CLSTN2: variants seen among roughly 807,000 people sequenced by gnomAD.
The protein encoded by CLSTN2 is calsyntenin 2, also known as calsyntenin-2.
In CLSTN2, 48 loss-of-function variants were observed where a neutral mutation model predicts 101.2. The ratio of observed to expected loss-of-function variants is 0.47; its 90% CI spans 0.38 to 0.60. CLSTN2 has a LOEUF of 0.60. CLSTN2 is among the 20% of genes least tolerant of loss of function. CLSTN2 has a pLI of 0.00. For synonymous variants in CLSTN2, 481 were observed against 463.6 expected (o/e 1.04, Z -0.48); for missense variants, 1,160 against 1,238.2 (o/e 0.94, Z 0.95).
At chr3:140,287,019 A>G (rs917503214) in intron 2 of CLSTN2, among the ~76,000 whole-genome samples, 1 of 152,186 alleles carries the variant, frequency 6.6e-6, no homozygotes, top group Non-Finnish European at 1.5e-5. Context: ...AAGGGCTTTA[A>G]GAGCCCAGCT....
chr3:140,299,723 T>A (rs2087040698), intron 2 of CLSTN2, among the ~76,000 whole-genome samples: 1 of 152,204 alleles, frequency 6.6e-6, no homozygotes, highest in East Asian at 1.9e-4. Context: ...TTCAGAGACA[T>A]CTTAGCCTCC....
intron 5 of CLSTN2, among the ~76,000 whole-genome samples, chr3:140,440,907 C>T (rs938626816): frequency 2.6e-5 from 4 of 152,108 alleles, no homozygotes; most frequent in Admixed American, 6.5e-5. Flanking sequence ...ACAAGGGGCT[C>T]GTTGTTTAAA....
chr3:140,486,293 G>A (rs1304225384), intron 8 of CLSTN2, among the ~76,000 whole-genome samples: 1 of 151,978 alleles, frequency 6.6e-6, no homozygotes, highest in Non-Finnish European at 1.5e-5. Context: ...CATTGGAAAT[G>A]GTAATTATGT....
intron 8 of CLSTN2, among the ~76,000 whole-genome samples, chr3:140,480,735 A>T (rs917043333): frequency 6.6e-6 from 1 of 152,136 alleles, no homozygotes; most frequent in African/African-American, 2.4e-5. Flanking sequence ...TTGCCTGCAT[A>T]AATGTCTTCT....
intron 1 of CLSTN2, among the ~76,000 whole-genome samples, chr3:140,001,476 T>A (rs1008473417): frequency 1.3e-5 from 2 of 152,056 alleles, no homozygotes; most frequent in African/African-American, 4.8e-5. Context: ...TTCAACTTTT[T>A]AAAAAACTTT....
chr3:140,563,021 G>T, intron 14 of CLSTN2, 59 bp from the exon 15 acceptor site: 2 of 1,611,730 alleles, frequency 1.2e-6, no homozygotes, highest in South Asian at 1.1e-5. Flanking sequence ...ATTCAGAAAT[G>T]CTGTAACTGG....
Position 140,558,659 on chromosome 3 carries a change from T to C in CLSTN2, c.1843T>C (p.Cys615Arg), listed in dbSNP as rs776915256. 1 of 1,613,778 alleles carries C rather than the reference T, an allele frequency of 6.2e-7. No homozygotes were observed. The highest frequency in any genetic ancestry group is 2.2e-5 in the East Asian group (1 of 44,870). The change falls in exon 12 of 17, where the codon TGC becomes CGC. Residue 615 changes from cysteine (C) to arginine (R), a missense_variant. Physicochemically the swap from Cys to Arg is radical, Grantham distance 180 (BLOSUM62 -3). Transcript: ENST00000458420. The part of the protein sequence containing the change: ...SKVQCFGEDV[C>R]ISIPEVDAYV... ...TCCCAGGTGCTTTGGGGAAGACGTA[T>C]GCATCAGTATCCCTGAGGTAGATGC...
intron 1 of CLSTN2, among the ~76,000 whole-genome samples, chr3:139,943,438 T>C (rs934335594): frequency 3.9e-5 from 6 of 152,178 alleles, no homozygotes; most frequent in African/African-American, 1.4e-4. Flanking sequence ...ATGAATTCTA[T>C]CTTTCACCCT....
At chr3:140,312,485 C>T (rs2087179938) in intron 2 of CLSTN2, among the ~76,000 whole-genome samples, 1 of 152,224 alleles carries the variant, frequency 6.6e-6, no homozygotes, top group Non-Finnish European at 1.5e-5. Flanking sequence ...TGGTTATCAT[C>T]TTTCGTCTAC....
rs1235151472 is a variant in CLSTN2 at position 140,552,237 on chromosome 3, G to A, written c.1675-4276G>A. ...CTGTCTAGCACCTTCTTGGCTCAACGAAAGGCTATGGTCACAGCACAGATA... is the reference window on the plus strand; with the variant it reads ...CTGTCTAGCACCTTCTTGGCTCAACAAAAGGCTATGGTCACAGCACAGATA... On this transcript the variant is annotated intron_variant, in intron 10 of 16. Coordinates refer to ENST00000458420, the MANE Select transcript of CLSTN2 (RefSeq NM_022131.3). Among the ~76,000 whole-genome samples, 9 of 152,014 alleles carry A rather than the reference G, an allele frequency of 5.9e-5. 1 individual carries two copies. The highest frequency in any genetic ancestry group is 1.2e-4 in the Non-Finnish European group (8 of 67,994).
intron 2 of CLSTN2, among the ~76,000 whole-genome samples, chr3:140,295,254 G>A (rs892336679): frequency 4.6e-5 from 7 of 151,932 alleles, no homozygotes; most frequent in Admixed American, 3.3e-4. Flanking sequence ...TGTAAATTAC[G>A]TATTTTCTTT....
chr3:139,941,979 G>C (rs1233158180), intron 1 of CLSTN2, among the ~76,000 whole-genome samples: 1 of 152,134 alleles, frequency 6.6e-6, no homozygotes, highest in East Asian at 1.9e-4. Context: ...GAGAAGTGAG[G>C]TAACTTGCCC....
intron 5 of CLSTN2, among the ~76,000 whole-genome samples, chr3:140,432,415 G>T (rs6777208): frequency 0.11 from 16,875 of 152,096 alleles, 1,756 homozygotes; most frequent in African/African-American, 0.27. Flanking sequence ...TCAAATAATT[G>T]GAAAAATCAT....
In CLSTN2 at chr3:140,573,247, T is replaced by C. The variant is rs1347223402; in HGVS notation, c.*6994T>C. 6.6e-6 allele frequency: 1 copy of C among 152,246 alleles called. No individual in the cohort carries two copies. The highest frequency in any genetic ancestry group is 6.5e-5 in the Admixed American group (1 of 15,280). 9.4% of individuals were successfully genotyped at this position (152,246 alleles called of 1,614,324 possible). ...GGGTCATTTAAGGACGTTGCCAGGT[T>C]GCCGCAGCACTGCTCTGTTTGTTTG... On this transcript the variant is annotated 3_prime_UTR_variant, in exon 17 of 17. Transcript: ENST00000458420.
At chr3:139,997,424 A>G (rs2006695259) in intron 1 of CLSTN2, among the ~76,000 whole-genome samples, 1 of 152,242 alleles carries the variant, frequency 6.6e-6, no homozygotes, top group African/African-American at 2.4e-5. Context: ...ATTTTTACAC[A>G]TGGAGAACCA....
intron 2 of CLSTN2, among the ~76,000 whole-genome samples, chr3:140,350,262 G>A (rs1023936467): frequency 5.9e-5 from 9 of 152,192 alleles, no homozygotes; most frequent in South Asian, 2.1e-4. Flanking sequence ...AGAAATCCAC[G>A]CTAATCTCAG....
At chr3:140,122,025 A>T (rs2009349225) in intron 1 of CLSTN2, among the ~76,000 whole-genome samples, 1 of 152,142 alleles carries the variant, frequency 6.6e-6, no homozygotes, top group African/African-American at 2.4e-5. Context: ...GTGAAAAAGT[A>T]ACTGTCATGG....
chr3:140,050,725 G>A (rs915246631), intron 1 of CLSTN2, among the ~76,000 whole-genome samples: 1 of 152,210 alleles, frequency 6.6e-6, no homozygotes, highest in Admixed American at 6.5e-5. Context: ...GGATGAAGCA[G>A]TCCATAGAGG....
chr3:140,571,147 C>T lies in CLSTN2; in HGVS notation c.*4894C>T, dbSNP rs190389073. On this transcript the variant is annotated 3_prime_UTR_variant, in exon 17 of 17. Coordinates refer to ENST00000458420, the MANE Select transcript of CLSTN2 (RefSeq NM_022131.3). ...AGTGCCTTCCCAGCACAGCTCAGCC[C>T]ATAATGATCTCTGAGCAGGAGTGTT... 5 of 152,306 alleles carry T rather than the reference C, an allele frequency of 3.3e-5. No individual in the cohort carries two copies. Among genetic ancestry groups the T allele is most frequent in the Admixed American group, 3.3e-4 (5 of 15,294 alleles). The allele number at this position is 152,306 out of a possible 1,614,324, so 9.4% of individuals were successfully genotyped here.
Sources: allele counts gnomAD v4.1 joint callset (sites outside exome capture counted in the v4.1 genomes callset), GRCh38; gene constraint gnomAD v4.1.1; transcripts MANE v1.5; gene names NCBI Gene and HGNC (gene_info 2026-07-23, HGNC 2026-07-21).